INPP4B: variants seen among roughly 807,000 people sequenced by gnomAD.
The protein encoded by INPP4B is inositol polyphosphate-4-phosphatase type II B, also known as inositol polyphosphate 4-phosphatase type II.
INPP4B carries 55 observed loss-of-function variants against 122.5 expected under a neutral mutation model. The observed-to-expected ratio is 0.45, with a 90% CI of 0.36 to 0.56. The LOEUF (loss-of-function observed/expected upper bound fraction) is 0.56, where lower values mean the gene tolerates loss of function less well. Ranked by LOEUF, INPP4B falls within the 20% of genes least tolerant of loss-of-function variation. INPP4B has a pLI of 0.00. For missense variants in INPP4B, 1,000 were observed against 1,097.7 expected (o/e 0.91, Z 1.26); for synonymous variants, 403 against 388.7 (o/e 1.04, Z -0.43).
At chr4:142,709,891 C>G (rs1054823692) in intron 2 of INPP4B, among the ~76,000 whole-genome samples, 65 of 152,180 alleles carry the variant, frequency 4.3e-4, no homozygotes, top group African/African-American at 1.6e-3. Flanking sequence ...TAAGCTTTAG[C>G]ATTGCATTAG....
chr4:142,283,906 GCAA>G (rs1289837056), intron 9 of INPP4B, among the ~76,000 whole-genome samples: 1 of 152,088 alleles, frequency 6.6e-6, no homozygotes, highest in African/African-American at 2.4e-5. Context: ...GTGATGAGGA[GCAA>G]CCAGCAAAAG....
At chr4:142,578,158 A>C (rs1017845424) in intron 2 of INPP4B, among the ~76,000 whole-genome samples, 2 of 151,978 alleles carry the variant, frequency 1.3e-5, no homozygotes, top group African/African-American at 4.8e-5. Flanking sequence ...GAATGACACA[A>C]AAATTGAAGA....
At chr4:142,312,139 GA>G (rs1765742561) in intron 8 of INPP4B, among the ~76,000 whole-genome samples, 1 of 152,136 alleles carries the variant, frequency 6.6e-6, no homozygotes, top group South Asian at 2.1e-4. Context: ...TTTTTTCAAA[GA>G]TGAAGACGCA....
In INPP4B at chr4:142,208,460, A is replaced by C; in HGVS notation, c.1037T>G (p.Leu346Arg). The C allele has an allele frequency of 6.3e-7, 1 of 1,599,368 alleles. No homozygotes were observed. Among genetic ancestry groups the C allele is most frequent in the Non-Finnish European group, 8.5e-7 (1 of 1,171,986 alleles). The change falls in exon 14 of 26, where the codon CTG (leucine) becomes CGG (arginine). Residue 346 changes from leucine (L) to arginine (R), a missense_variant. Transcript: ENST00000262992. ...AGGGCTGTGTACCTGCATTCTTTGCAGATGTAGATTTATTGGAACAAATTC... is the reference window on the plus strand; with the variant it reads ...AGGGCTGTGTACCTGCATTCTTTGCCGATGTAGATTTATTGGAACAAATTC... ...TLEFVPINLH[L>R]QRMQVHSPHL...
chr4:142,438,053 G>A (rs1810917070), intron 3 of INPP4B, among the ~76,000 whole-genome samples: 3 of 152,224 alleles, frequency 2.0e-5, no homozygotes, highest in African/African-American at 7.2e-5. Flanking sequence ...AATACAAGGG[G>A]ACACAAATAA....
intron 2 of INPP4B, among the ~76,000 whole-genome samples, chr4:142,564,382 C>T (rs1038360814): frequency 5.2e-4 from 70 of 134,628 alleles, no homozygotes; most frequent in African/African-American, 1.9e-3. Context: ...AATAGCAAGG[C>T]ATAAGCAGAG....
At chr4:142,676,593 C>T (rs1039637674) in intron 2 of INPP4B, among the ~76,000 whole-genome samples, 7 of 152,112 alleles carry the variant, frequency 4.6e-5, no homozygotes, top group African/African-American at 1.4e-4. Flanking sequence ...TCAAACTATA[C>T]TACAAGGCTA....
At chr4:142,603,401 G>GA (rs1194521011) in intron 2 of INPP4B, among the ~76,000 whole-genome samples, 10 of 150,250 alleles carry the variant, frequency 6.7e-5, no homozygotes, top group Admixed American at 2.6e-4. Context: ...TTGAAAAAAA[G>GA]AAAAAAAATA....
At chr4:142,050,373 A>T (rs1411564738) in intron 25 of INPP4B, among the ~76,000 whole-genome samples, 2 of 152,036 alleles carry the variant, frequency 1.3e-5, no homozygotes, top group African/African-American at 4.8e-5. Flanking sequence ...TAGCTGCCTC[A>T]TTACTTTAAC....
intron 10 of INPP4B, among the ~76,000 whole-genome samples, chr4:142,264,769 A>C (rs1259728842): frequency 6.6e-6 from 1 of 152,210 alleles, no homozygotes; most frequent in South Asian, 2.1e-4. Context: ...TGTGTCTTCC[A>C]AAGTTCATAT....
At chr4:142,583,845 T>G (rs1735615296) in intron 2 of INPP4B, among the ~76,000 whole-genome samples, 1 of 150,160 alleles carries the variant, frequency 6.7e-6, no homozygotes, top group East Asian at 1.9e-4. Context: ...AAAGTTCCCA[T>G]AGCCTTTTCC....
intron 3 of INPP4B, among the ~76,000 whole-genome samples, chr4:142,440,710 A>G (rs1242492461): frequency 6.6e-6 from 1 of 151,294 alleles, no homozygotes; most frequent in East Asian, 2.0e-4. Context: ...CAATTTGAAA[A>G]CTTTGAGTCT....
chr4:142,453,619 GAATAT>G (rs1814773502), intron 3 of INPP4B, among the ~76,000 whole-genome samples: 1 of 151,932 alleles, frequency 6.6e-6, no homozygotes, highest in Admixed American at 6.6e-5. Flanking sequence ...TATCTGCAAA[GAATAT>G]AATATGACAT....
At chr4:142,080,091 G>A (rs535442080) in intron 25 of INPP4B, among the ~76,000 whole-genome samples, 9 of 152,166 alleles carry the variant, frequency 5.9e-5, no homozygotes, top group African/African-American at 1.9e-4. Flanking sequence ...TATCATGTCT[G>A]TTTTAAAAGA....
chr4:142,432,383 T>C (rs922784836), intron 3 of INPP4B, among the ~76,000 whole-genome samples: 2 of 152,030 alleles, frequency 1.3e-5, no homozygotes, highest in Admixed American at 6.6e-5. Context: ...TTTAAAAAAA[T>C]CTGGCAGAAA....
chr4:142,030,872 T>G (rs774986857), intron 25 of INPP4B, among the ~76,000 whole-genome samples: 1 of 152,176 alleles, frequency 6.6e-6, no homozygotes, highest in Non-Finnish European at 1.5e-5. Context: ...GCCATAATAT[T>G]AGTTTAATAA....
chr4:142,535,929 C>A (rs774670225), intron 2 of INPP4B, among the ~76,000 whole-genome samples: 2 of 152,176 alleles, frequency 1.3e-5, no homozygotes, highest in African/African-American at 2.4e-5. Context: ...ATCCTTTTCT[C>A]AGACTCCCTA....
At chr4:142,057,355 CTT>C (rs1405182523) in intron 25 of INPP4B, among the ~76,000 whole-genome samples, 2 of 152,026 alleles carry the variant, frequency 1.3e-5, no homozygotes, top group African/African-American at 2.4e-5. Context: ...TTGGCTGCCT[CTT>C]AACATAATTT....
intron 17 of INPP4B, among the ~76,000 whole-genome samples, chr4:142,155,122 T>A (rs1213016810): frequency 1.3e-5 from 2 of 151,980 alleles, no homozygotes; most frequent in Admixed American, 1.3e-4. Flanking sequence ...CTCATTTAGG[T>A]AACCAAGCTA....
Sources: gnomAD v4.1 joint callset for allele counts (sites outside exome capture counted in the v4.1 genomes callset) on GRCh38, gnomAD v4.1.1 for gene constraint, MANE v1.5 for transcripts, NCBI Gene and HGNC (gene_info 2026-07-23, HGNC 2026-07-21) for gene names.